ST6GALNAC3: variants seen among roughly 807,000 people sequenced by gnomAD.
The protein encoded by ST6GALNAC3 is ST6 N-acetylgalactosaminide alpha-2,6-sialyltransferase 3, also known as alpha-N-acetylgalactosaminide alpha-2,6-sialyltransferase 3.
ST6GALNAC3 carries 25 observed loss-of-function variants against 32.7 expected under a neutral mutation model. That is an observed-to-expected ratio of 0.76 (90% CI 0.56 to 1.07). The LOEUF (loss-of-function observed/expected upper bound fraction) is 1.07, where lower values mean the gene tolerates loss of function less well. Among genes scored for constraint, ST6GALNAC3 ranks in the 50% least tolerant of loss-of-function variants. The pLI is 0.00. For missense variants in ST6GALNAC3, 355 were observed against 382.4 expected, an observed-to-expected ratio of 0.93 and a Z score of 0.60; for synonymous variants, 129 against 133.1, an observed-to-expected ratio of 0.97 and a Z score of 0.21.
At chr1:76,216,486 G>T (rs1655470724) in intron 1 of ST6GALNAC3, among the ~76,000 whole-genome samples, 1 of 152,194 alleles carries the variant, frequency 6.6e-6, no homozygotes, top group Non-Finnish European at 1.5e-5. Flanking sequence ...TTCACCAGTG[G>T]TAGCTTGAAT....
chr1:76,163,557 A>C (rs191614683), intron 1 of ST6GALNAC3, among the ~76,000 whole-genome samples: 4 of 152,082 alleles, frequency 2.6e-5, no homozygotes, highest in Non-Finnish European at 5.9e-5. Context: ...TTACTGTAAG[A>C]CTCATTTTCT....
In ST6GALNAC3 at chr1:76,634,318, C is replaced by T. The variant is rs1053928406; in HGVS notation, c.*5512C>T. 1 of 246,658 alleles carries T rather than the reference C, an allele frequency of 4.1e-6. No individual in the cohort carries two copies. The highest frequency in any genetic ancestry group is 6.5e-5 in the Admixed American group (1 of 15,372). The allele number at this position is 246,658 out of a possible 1,614,324, so 15.3% of individuals were successfully genotyped here. Reference sequence around the variant, plus strand: ...AGGCAATTTTATAGCTTTTTGTTACCTAATCTACAAAGTACTAATTTCCTT... The same window carrying T: ...AGGCAATTTTATAGCTTTTTGTTACTTAATCTACAAAGTACTAATTTCCTT... On this transcript the variant is annotated 3_prime_UTR_variant, in exon 5 of 5. Transcript: ENST00000328299.
intron 3 of ST6GALNAC3, among the ~76,000 whole-genome samples, chr1:76,438,725 G>C (rs4949720): frequency 0.27 from 41,377 of 151,954 alleles, 6,304 homozygotes; most frequent in Admixed American, 0.37. Flanking sequence ...TCTCCTCTGA[G>C]CCAAATCTGG....
chr1:76,406,709 A>G (rs1394582309), intron 2 of ST6GALNAC3, among the ~76,000 whole-genome samples: 1 of 152,034 alleles, frequency 6.6e-6, no homozygotes, highest in Non-Finnish European at 1.5e-5. Context: ...TATATTAAGA[A>G]TAGTGAAAAT....
intron 2 of ST6GALNAC3, among the ~76,000 whole-genome samples, chr1:76,352,497 CTTTTTTT>C (rs397706056): frequency 6.9e-5 from 8 of 116,210 alleles, no homozygotes; most frequent in African/African-American, 9.5e-5. Context: ...TTTTGGTTTC[CTTTTTTT>C]TTTTTTTTTT....
chr1:76,493,739 A>C (rs533333449), intron 3 of ST6GALNAC3, among the ~76,000 whole-genome samples: 1 of 152,214 alleles, frequency 6.6e-6, no homozygotes, highest in South Asian at 2.1e-4. Flanking sequence ...ACATGTATTG[A>C]TTTATCTGTT....
intron 3 of ST6GALNAC3, among the ~76,000 whole-genome samples, chr1:76,625,537 T>C (rs907162228): frequency 1.3e-5 from 2 of 151,874 alleles, no homozygotes; most frequent in Non-Finnish European, 2.9e-5. Context: ...ATTCAGTACA[T>C]AGACAAAATA....
At chr1:76,218,660 T>G (rs1655607410) in intron 1 of ST6GALNAC3, among the ~76,000 whole-genome samples, 1 of 152,228 alleles carries the variant, frequency 6.6e-6, no homozygotes, top group Admixed American at 6.5e-5. Context: ...ATGCCTCCCC[T>G]CTTTCCGTCC....
At chr1:76,411,452 T>C (rs1654231733) in intron 2 of ST6GALNAC3, among the ~76,000 whole-genome samples, 1 of 152,074 alleles carries the variant, frequency 6.6e-6, no homozygotes, top group Admixed American at 6.6e-5. Flanking sequence ...CTCTGAAGGG[T>C]CTCTGTAATA....
intron 2 of ST6GALNAC3, among the ~76,000 whole-genome samples, chr1:76,330,686 ATTAT>A (rs1647173454): frequency 6.6e-6 from 1 of 152,204 alleles, no homozygotes; most frequent in Admixed American, 6.5e-5. Flanking sequence ...AATAGATACT[ATTAT>A]TATTCCACCA....
intron 3 of ST6GALNAC3, among the ~76,000 whole-genome samples, chr1:76,599,011 T>C (rs2100618069): frequency 6.6e-6 from 1 of 152,330 alleles, no homozygotes; most frequent in African/African-American, 2.4e-5. Flanking sequence ...AGTAATCTAC[T>C]TTATTAATAT....
At chr1:76,579,420 TA>T (rs1268931873) in intron 3 of ST6GALNAC3, among the ~76,000 whole-genome samples, 2 of 151,980 alleles carry the variant, frequency 1.3e-5, no homozygotes, top group African/African-American at 4.8e-5. Context: ...ACATAGTTTT[TA>T]TATATGAGTA....
At chr1:76,096,656 A>C (rs1309610553) in intron 1 of ST6GALNAC3, among the ~76,000 whole-genome samples, 1 of 151,802 alleles carries the variant, frequency 6.6e-6, no homozygotes, top group African/African-American at 2.4e-5. Context: ...AAATAGCCCA[A>C]TGATTTATCA....
chr1:76,518,931 G>T (rs561596113), intron 3 of ST6GALNAC3, among the ~76,000 whole-genome samples: 14 of 152,178 alleles, frequency 9.2e-5, no homozygotes, highest in African/African-American at 3.4e-4. Context: ...GCCAAGCATT[G>T]TGATGCACGC....
chr1:76,637,085 G>C (rs758434857), downstream of ST6GALNAC3: 10 of 152,118 alleles, frequency 6.6e-5, no homozygotes, highest in East Asian at 3.9e-4. Flanking sequence ...TGACTAATAC[G>C]ATCATACAGT....
chr1:76,156,964 C>G (rs927658529), intron 1 of ST6GALNAC3, among the ~76,000 whole-genome samples: 29 of 152,206 alleles, frequency 1.9e-4, no homozygotes, highest in African/African-American at 6.8e-4. Flanking sequence ...ATCTTCTGAC[C>G]TCGTGATCTG....
intron 3 of ST6GALNAC3, among the ~76,000 whole-genome samples, chr1:76,445,532 CTG>C (rs1326399109): frequency 2.0e-5 from 3 of 152,180 alleles, no homozygotes; most frequent in Non-Finnish European, 4.4e-5. Flanking sequence ...TATAAATACA[CTG>C]TGTATGGGTG....
At chr1:76,505,617 A>T (rs1316316801) in intron 3 of ST6GALNAC3, among the ~76,000 whole-genome samples, 3 of 152,206 alleles carry the variant, frequency 2.0e-5, no homozygotes, top group Admixed American at 6.5e-5. Flanking sequence ...ATTTCCAAAG[A>T]AGCAAAGATC....
intron 1 of ST6GALNAC3, among the ~76,000 whole-genome samples, chr1:76,084,396 G>C (rs1646938053): frequency 6.6e-6 from 1 of 152,194 alleles, no homozygotes; most frequent in African/African-American, 2.4e-5. Context: ...TTTCCCAAGG[G>C]AGTGCTGCTT....
Sources: gnomAD v4.1 joint callset for allele counts (sites outside exome capture counted in the v4.1 genomes callset) on GRCh38, gnomAD v4.1.1 for gene constraint, MANE v1.5 for transcripts, NCBI Gene and HGNC (gene_info 2026-07-23, HGNC 2026-07-21) for gene names.